The following NUMB variants were observed in gnomAD, a reference collection of about 807,000 sequenced individuals.
NUMB encodes the protein NUMB endocytic adaptor protein.
A neutral mutation model predicts 59.7 loss-of-function variants in NUMB; 29 were observed. That is an observed-to-expected ratio of 0.49 (90% CI 0.36 to 0.66). The LOEUF is 0.66. NUMB is among the 30% of genes least tolerant of loss of function. The probability of loss-of-function intolerance (pLI) is 0.00; values close to 1 mark genes in which losing one functional copy is unlikely to be tolerated. For synonymous variants in NUMB, 288 were observed against 288.2 expected (o/e 1.00, Z 0.01); for missense variants, 723 against 822.0 (o/e 0.88, Z 1.47).
At chr14:73,425,186 G>T (rs1296690459) in intron 1 of NUMB, among the ~76,000 whole-genome samples, 1 of 152,060 alleles carries the variant, frequency 6.6e-6, no homozygotes, top group Non-Finnish European at 1.5e-5. Flanking sequence ...TTGATTCACA[G>T]CTAATAGAAA....
chr14:73,414,727 G>T (rs1312236014), intron 1 of NUMB, among the ~76,000 whole-genome samples: 1 of 151,998 alleles, frequency 6.6e-6, no homozygotes, highest in Non-Finnish European at 1.5e-5. Context: ...GGTGCGGGGG[G>T]GGCGGGTTTT....
chr14:73,319,103 G>T (rs995976028), intron 5 of NUMB, among the ~76,000 whole-genome samples: 1 of 151,916 alleles, frequency 6.6e-6, no homozygotes, highest in Admixed American at 6.6e-5. Context: ...GTGAAACCCC[G>T]TCTCATACAA....
intron 7 of NUMB, 39 bp from the exon 8 acceptor site, chr14:73,292,913 A>C (rs1298940508): frequency 6.2e-7 from 1 of 1,604,582 alleles, no homozygotes; most frequent in East Asian, 2.2e-5. Context: ...AAGACTTATG[A>C]GGTTATCTGA....
rs1407660322 is a variant in NUMB, at chr14:73,383,511, A to G, written c.-100-16530T>C. ...GCAGAGAAAGATCTAACATACAGTT[A>G]TCTAGAATCCCAGAGGGAACTGAAA... On this transcript the variant is annotated intron_variant, in intron 2 of 12. Coordinates refer to ENST00000555238, the MANE Select transcript of NUMB (RefSeq NM_001005743.2). Among the ~76,000 whole-genome samples the G allele has an allele frequency of 2.6e-5, 4 of 152,300 alleles. No individual in the cohort carries two copies. The South Asian group carries it at 6.2e-4, about 24-fold the overall frequency.
At chr14:73,437,206 T>C (rs1213918413) in intron 1 of NUMB, among the ~76,000 whole-genome samples, 2 of 151,920 alleles carry the variant, frequency 1.3e-5, no homozygotes, top group Non-Finnish European at 2.9e-5. Context: ...CCACCATGCC[T>C]GGCTAATTTT....
chr14:73,287,886 C>A (rs765411308), intron 8 of NUMB, among the ~76,000 whole-genome samples: 7 of 152,132 alleles, frequency 4.6e-5, no homozygotes, highest in African/African-American at 7.2e-5. Flanking sequence ...ATCACTTAGG[C>A]TCTGTCATGT....
At chr14:73,376,064 T>C (rs1428014753) in intron 2 of NUMB, among the ~76,000 whole-genome samples, 1 of 152,018 alleles carries the variant, frequency 6.6e-6, no homozygotes, top group African/African-American at 2.4e-5. Context: ...TAATGCAATA[T>C]GACAAAAAAA....
intron 2 of NUMB, among the ~76,000 whole-genome samples, chr14:73,408,734 G>A (rs1019996978): frequency 6.6e-6 from 1 of 151,878 alleles, no homozygotes; most frequent in Non-Finnish European, 1.5e-5. Flanking sequence ...AAAATTAGCC[G>A]GGTGTGGTGG....
At chr14:73,360,353 C>T (rs564380895) in intron 3 of NUMB, among the ~76,000 whole-genome samples, 12 of 152,254 alleles carry the variant, frequency 7.9e-5, no homozygotes, top group South Asian at 4.1e-4. Flanking sequence ...GTCAGGAGTT[C>T]GAGACCTGCC....
At position 73,351,062 on chromosome 14, in the gene NUMB, A is replaced by C. The variant is rs192132335; in HGVS notation, c.126+4564T>G. On this transcript the variant is annotated intron_variant, in intron 4 of 12. Transcript: ENST00000555238. ...GATTGAAAAATTACCAGTTGAATAC[A>C]ATGTCCACTATTTGGGTGACAGGTA... Among the ~76,000 whole-genome samples the C allele has an allele frequency of 4.6e-5, 7 of 152,282 alleles. No individual in the cohort carries two copies. In the East Asian group the frequency reaches 1.3e-3, roughly 29 times the overall value.
chr14:73,391,314 T>C (rs73309092), intron 2 of NUMB, among the ~76,000 whole-genome samples: 1 of 150,648 alleles, frequency 6.6e-6, no homozygotes, highest in Non-Finnish European at 1.5e-5. Context: ...TGCATCTCCT[T>C]AGAACTGAAA....
intron 4 of NUMB, among the ~76,000 whole-genome samples, chr14:73,330,448 A>G (rs1217660470): frequency 2.6e-5 from 4 of 152,166 alleles, no homozygotes; most frequent in African/African-American, 9.7e-5. Flanking sequence ...TTATTTGCCA[A>G]TTAAGTAGAA....
chr14:73,430,679 A>G (rs1897788508), intron 1 of NUMB, among the ~76,000 whole-genome samples: 1 of 151,608 alleles, frequency 6.6e-6, no homozygotes, highest in South Asian at 2.1e-4. Context: ...TGGTGGCTCA[A>G]GCCTGTAATG....
At chr14:73,351,110 A>G (rs1276776208) in intron 4 of NUMB, among the ~76,000 whole-genome samples, 1 of 152,198 alleles carries the variant, frequency 6.6e-6, no homozygotes, top group Non-Finnish European at 1.5e-5. Context: ...AGACTTCACC[A>G]CTATGTGATA....
intron 4 of NUMB, among the ~76,000 whole-genome samples, chr14:73,336,171 T>C (rs1892303257): frequency 6.6e-6 from 1 of 152,212 alleles, no homozygotes; most frequent in African/African-American, 2.4e-5. Context: ...GATTTCTAGA[T>C]CTATCTTCTT....
intron 1 of NUMB, among the ~76,000 whole-genome samples, chr14:73,448,085 C>T (rs536805400): frequency 6.6e-6 from 1 of 152,290 alleles, no homozygotes; most frequent in East Asian, 1.9e-4. Context: ...GCATGAGCCA[C>T]CGCATCTGGC....
chr14:73,363,718 G>A (rs2140038618), intron 3 of NUMB, among the ~76,000 whole-genome samples: 1 of 152,282 alleles, frequency 6.6e-6, no homozygotes, highest in South Asian at 2.1e-4. Context: ...GGAGGCTGAG[G>A]TGGAAGGACT....
intron 3 of NUMB, among the ~76,000 whole-genome samples, chr14:73,366,679 G>A (rs773167421): frequency 2.6e-5 from 4 of 152,180 alleles, no homozygotes; most frequent in Admixed American, 2.6e-4. Flanking sequence ...TGTCTCCAGA[G>A]ACTAGACCCT....
In NUMB at chr14:73,352,507, TATATATATATATATATATATA is replaced by T. The variant is rs1566756263; in HGVS notation, c.126+3098_126+3118del. On this transcript the variant is annotated intron_variant, in intron 4 of 12. Coordinates refer to ENST00000555238, the MANE Select transcript of NUMB (RefSeq NM_001005743.2). ...ATATATATATATATATATATATATA[TATATATATATATATATATATA>T]TGTTTTTTTTTTTTTTTTTTTTTTG... Among the ~76,000 whole-genome samples, 26 of 15,952 alleles carry T rather than the reference TATATATATATATATATATATA, an allele frequency of 1.6e-3. 2 individuals are homozygous for T. The highest frequency in any genetic ancestry group is 0.011 in the African/African-American group (22 of 1,982). 10.5% of individuals were successfully genotyped at this position (15,952 alleles called of 152,430 possible).
Sources: gnomAD v4.1 joint callset for allele counts (sites outside exome capture counted in the v4.1 genomes callset) on GRCh38, gnomAD v4.1.1 for gene constraint, MANE v1.5 for transcripts, NCBI Gene and HGNC (gene_info 2026-07-23, HGNC 2026-07-21) for gene names.